TMEM131: variants seen among roughly 807,000 people sequenced by gnomAD.
TMEM131 encodes the protein transmembrane protein 131.
TMEM131 carries 66 observed loss-of-function variants against 211.6 expected under a neutral mutation model. The observed-to-expected ratio is 0.31, with a 90% CI of 0.26 to 0.38. The LOEUF (loss-of-function observed/expected upper bound fraction) is 0.38. Among genes scored for constraint, TMEM131 ranks in the 10% least tolerant of loss-of-function variants. The probability of loss-of-function intolerance (pLI) is 1.00; values close to 1 mark genes in which losing one functional copy is unlikely to be tolerated. For missense variants in TMEM131, 2,036 were observed against 2,299.3 expected, an observed-to-expected ratio of 0.89 and a Z score of 2.34; for synonymous variants, 844 against 841.3, an observed-to-expected ratio of 1.00 and a Z score of -0.06.
intron 5 of TMEM131, among the ~76,000 whole-genome samples, chr2:97,852,484 G>C (rs1673665109): frequency 6.6e-6 from 1 of 152,188 alleles, no homozygotes; most frequent in African/African-American, 2.4e-5. Context: ...TTAAGCCAAA[G>C]TCTAATCCAG....
At chr2:97,955,869 A>G (rs1216402352) in intron 1 of TMEM131, among the ~76,000 whole-genome samples, 1 of 152,206 alleles carries the variant, frequency 6.6e-6, no homozygotes, top group East Asian at 1.9e-4. Context: ...ATGAACATAT[A>G]TAATAGAGTA....
chr2:97,930,816 G>C (rs1677187182), intron 1 of TMEM131, among the ~76,000 whole-genome samples: 1 of 151,854 alleles, frequency 6.6e-6, no homozygotes, highest in Non-Finnish European at 1.5e-5. Context: ...ATTTTATGCT[G>C]TTAATGAATC....
chr2:97,965,296 T>C (rs1382777724), intron 1 of TMEM131, among the ~76,000 whole-genome samples: 1 of 152,186 alleles, frequency 6.6e-6, no homozygotes, highest in Non-Finnish European at 1.5e-5. Context: ...CTTTTCCTCA[T>C]CGCTTCGTAC....
At position 97,995,638 on chromosome 2, in the gene TMEM131, C is replaced by T; in HGVS notation, c.25G>A (p.Ala9Thr). MGKRAGGGATGATTAAVST... is the reference protein window; with the variant it reads MGKRAGGGTTGATTAAVST... ...ACGGCGGCGGTGGTGGCTCCGGTTG[C>T]TCCTCCTCCCGCCCGCTTCCCCATC... The change falls in exon 1 of 41, where the codon GCA becomes ACA. Residue 9 changes from alanine (A) to threonine (T), a missense_variant. Around this residue, in one of 3 missense-constraint regions of TMEM131, gnomAD observed 136 missense variants for 115.4 expected, o/e 1.18. Coordinates refer to ENST00000186436, the MANE Select transcript of TMEM131 (RefSeq NM_015348.2). 8.2e-7 allele frequency: 1 copy of T among 1,223,096 alleles called. No individual in the cohort carries two copies. Among genetic ancestry groups the T allele is most frequent in the Non-Finnish European group, 1.0e-6 (1 of 981,684 alleles). The allele number at this position is 1,223,096 out of a possible 1,614,324, so 75.8% of individuals were successfully genotyped here.
intron 2 of TMEM131, among the ~76,000 whole-genome samples, chr2:97,922,587 A>C (rs1308560758): frequency 6.6e-6 from 1 of 152,242 alleles, no homozygotes; most frequent in Non-Finnish European, 1.5e-5. Context: ...TGTGAATCTT[A>C]GAAACATAAT....
At chr2:97,919,359 AT>A (rs1388172508) in intron 2 of TMEM131, among the ~76,000 whole-genome samples, 1 of 152,108 alleles carries the variant, frequency 6.6e-6, no homozygotes, top group African/African-American at 2.4e-5. Flanking sequence ...CTCCATTCTT[AT>A]CTATTTTAAA....
chr2:97,843,062 T>C (rs1683270989), intron 6 of TMEM131, among the ~76,000 whole-genome samples: 1 of 111,210 alleles, frequency 9.0e-6, no homozygotes, highest in Non-Finnish European at 1.9e-5. Flanking sequence ...GGGGAGGAAA[T>C]GTTTAAAAAA....
chr2:97,884,906 T>C (rs1316374185), intron 4 of TMEM131, among the ~76,000 whole-genome samples: 3 of 152,220 alleles, frequency 2.0e-5, no homozygotes, highest in African/African-American at 4.8e-5. Context: ...CCCATTTACA[T>C]TCAAGGTTAT....
intron 1 of TMEM131, among the ~76,000 whole-genome samples, chr2:97,989,903 A>AT: frequency 6.6e-6 from 1 of 152,338 alleles, no homozygotes; most frequent in Middle Eastern, 3.4e-3. Context: ...AAATGCCCTA[A>AT]TAAGAACAAA....
chr2:97,991,426 G>T lies in TMEM131; in HGVS notation c.187+4050C>A, dbSNP rs192146336. Reference sequence around the variant, plus strand: ...GAGTGATCAAAAGAGGATGTAACAGGCACTGATGCCACTTGGTGAAGGGTC... The same window carrying T: ...GAGTGATCAAAAGAGGATGTAACAGTCACTGATGCCACTTGGTGAAGGGTC... On this transcript the variant is annotated intron_variant, in intron 1 of 40. Transcript: ENST00000186436. Among the ~76,000 whole-genome samples, 17 of 152,316 alleles carry T rather than the reference G, an allele frequency of 1.1e-4. No homozygotes were observed. The East Asian group carries it at 2.3e-3, about 21-fold the overall frequency.
intron 22 of TMEM131, among the ~76,000 whole-genome samples, chr2:97,804,457 G>A (rs1681191931): frequency 6.6e-6 from 1 of 151,924 alleles, no homozygotes; most frequent in African/African-American, 2.4e-5. Flanking sequence ...GAGGTCAAGA[G>A]ATGGAGACCA....
chr2:97,832,868 A>C (rs1403288944), intron 11 of TMEM131, among the ~76,000 whole-genome samples: 1 of 152,098 alleles, frequency 6.6e-6, no homozygotes, highest in Non-Finnish European at 1.5e-5. Context: ...CTTAGTTTAT[A>C]ATGTGCTGCC....
rs536037706 is a variant in TMEM131 at position 97,976,787 on chromosome 2, C to G, written c.187+18689G>C. On this transcript the variant is annotated intron_variant, in intron 1 of 40. Transcript: ENST00000186436. ...AGTCAAGACAGTGTGGTACTGGCATCAAGGCAGAAAAATAGATTAACAGAA... is the reference window on the plus strand; with the variant it reads ...AGTCAAGACAGTGTGGTACTGGCATGAAGGCAGAAAAATAGATTAACAGAA... Among the ~76,000 whole-genome samples the G allele has an allele frequency of 3.3e-5, 5 of 152,134 alleles. No homozygotes were observed. The South Asian group carries it at 1.0e-3, about 32-fold the overall frequency.
chr2:97,882,789 G>A (rs189670648), intron 4 of TMEM131, among the ~76,000 whole-genome samples: 1 of 152,182 alleles, frequency 6.6e-6, no homozygotes, highest in Admixed American at 6.5e-5. Flanking sequence ...ACACATGTTG[G>A]TTCACACCTG....
intron 31 of TMEM131, among the ~76,000 whole-genome samples, chr2:97,787,395 G>A (rs1465896596): frequency 6.6e-6 from 1 of 152,166 alleles, no homozygotes; most frequent in African/African-American, 2.4e-5. Flanking sequence ...CCCACGTTAG[G>A]CCCTGTCATA....
At chr2:97,827,402 CA>C (rs1274604378) in intron 11 of TMEM131, 9 of 1,024,286 alleles carry the variant, frequency 8.8e-6, no homozygotes, top group Non-Finnish European at 1.2e-5. Flanking sequence ...AACGTGCAAA[CA>C]AAAGGGAAAA....
intron 12 of TMEM131, among the ~76,000 whole-genome samples, chr2:97,818,032 G>C (rs1681917679): frequency 6.6e-6 from 1 of 152,054 alleles, no homozygotes; most frequent in Non-Finnish European, 1.5e-5. Flanking sequence ...AATTAAAGTA[G>C]GCAAAACTAA....
chr2:97,925,642 C>T (rs1676951415), intron 2 of TMEM131, among the ~76,000 whole-genome samples: 1 of 152,294 alleles, frequency 6.6e-6, no homozygotes, highest in East Asian at 1.9e-4. Context: ...ATGGTACTTA[C>T]TGGACACTGA....
intron 1 of TMEM131, among the ~76,000 whole-genome samples, chr2:97,942,976 GAAAGAA>G (rs1553617749): frequency 1.0e-5 from 1 of 99,260 alleles, no homozygotes; most frequent in Non-Finnish European, 2.0e-5. Context: ...AAGAAAGAAA[GAAAGAA>G]AGAAAAGAAA....
Sources: allele counts gnomAD v4.1 joint callset (sites outside exome capture counted in the v4.1 genomes callset), GRCh38; gene constraint gnomAD v4.1.1; regional missense constraint gnomAD v4.1.1; transcripts MANE v1.5; gene names NCBI Gene and HGNC (gene_info 2026-07-23, HGNC 2026-07-21).